PARD3B: variants seen among roughly 807,000 people sequenced by gnomAD.
The protein encoded by PARD3B is par-3 family cell polarity regulator beta.
PARD3B carries 103 observed loss-of-function variants against 130.2 expected under a neutral mutation model. The ratio of observed to expected loss-of-function variants is 0.79; its 90% CI spans 0.67 to 0.93. The LOEUF is 0.93. Ranked by LOEUF, PARD3B falls within the 40% of genes least tolerant of loss-of-function variation. The pLI is 0.00. For synonymous variants in PARD3B, 583 were observed against 553.2 expected (o/e 1.05, Z -0.76); for missense variants, 1,609 against 1,499.2 (o/e 1.07, Z -1.21).
intron 3 of PARD3B, among the ~76,000 whole-genome samples, chr2:204,991,952 A>G (rs1693737145): frequency 6.6e-6 from 1 of 151,248 alleles, no homozygotes; most frequent in African/African-American, 2.4e-5. Flanking sequence ...AATTTGTTGG[A>G]GTTCATTGTA....
At chr2:205,004,774 A>G (rs1695116896) in intron 3 of PARD3B, among the ~76,000 whole-genome samples, 1 of 152,214 alleles carries the variant, frequency 6.6e-6, no homozygotes, top group Admixed American at 6.5e-5. Flanking sequence ...CAGAAATTAG[A>G]CATAAAGCAT....
At chr2:204,802,016 T>G (rs1182151854) in intron 2 of PARD3B, among the ~76,000 whole-genome samples, 1 of 152,220 alleles carries the variant, frequency 6.6e-6, no homozygotes, top group Non-Finnish European at 1.5e-5. Flanking sequence ...TTTATTGATT[T>G]GCATATGTTG....
At chr2:204,948,807 G>A (rs967207641) in intron 2 of PARD3B, among the ~76,000 whole-genome samples, 3 of 152,136 alleles carry the variant, frequency 2.0e-5, no homozygotes, top group Admixed American at 6.6e-5. Flanking sequence ...CATTTTCACC[G>A]ACTTCCAGGG....
chr2:205,465,907 G>A (rs2048604397), intron 20 of PARD3B, among the ~76,000 whole-genome samples: 1 of 152,174 alleles, frequency 6.6e-6, no homozygotes, highest in Admixed American at 6.5e-5. Context: ...CTAACACTCT[G>A]GTGCTTTTTC....
chr2:204,832,684 C>G (rs1474142377), intron 2 of PARD3B, among the ~76,000 whole-genome samples: 1 of 152,112 alleles, frequency 6.6e-6, no homozygotes, highest in Non-Finnish European at 1.5e-5. Context: ...GTACGCTGGG[C>G]TTGAGTAGTG....
intron 22 of PARD3B, among the ~76,000 whole-genome samples, chr2:205,573,431 G>A (rs375543906): frequency 3.0e-4 from 45 of 152,248 alleles, no homozygotes; most frequent in African/African-American, 9.6e-4. Flanking sequence ...AGGCAGAGTG[G>A]TGACAATTCT....
chr2:205,261,391 GTGAA>G (rs1279302851), intron 16 of PARD3B, among the ~76,000 whole-genome samples: 2 of 152,128 alleles, frequency 1.3e-5, no homozygotes, highest in Non-Finnish European at 1.5e-5. Flanking sequence ...TGCAGAATGA[GTGAA>G]TGAATGAATG....
chr2:205,219,078 T>TAA (rs748873430), intron 15 of PARD3B, among the ~76,000 whole-genome samples: 1 of 141,750 alleles, frequency 7.1e-6, no homozygotes. Flanking sequence ...AGACTCTGTT[T>TAA]AAAAAAAAAA....
chr2:204,652,905 C>T (rs550358282), intron 1 of PARD3B, among the ~76,000 whole-genome samples: 19 of 151,086 alleles, frequency 1.3e-4, no homozygotes, highest in African/African-American at 2.2e-4. Context: ...TACACAGTTT[C>T]GAACAACCAG....
rs2038756911 is a variant in PARD3B, at chr2:205,230,078, G to A, written c.2141-15700G>A. 6.6e-6 allele frequency among the ~76,000 whole-genome samples: 1 copy of A among 152,056 alleles called. No homozygotes were observed. Among genetic ancestry groups the A allele is most frequent in the African/African-American group, 2.4e-5 (1 of 41,398 alleles). On this transcript the variant is annotated intron_variant, in intron 15 of 22. Coordinates refer to ENST00000406610, the MANE Select transcript of PARD3B (RefSeq NM_001302769.2). The surrounding 1 kb of genome is among the most constrained non-coding windows in gnomAD (Gnocchi z 4.1). Reference sequence around the variant, plus strand: ...TCTGGCCCAGGGCAGATCCAGAGATGCTGTCTAAGAGCCAAAGTGTGGAAT... The same window carrying A: ...TCTGGCCCAGGGCAGATCCAGAGATACTGTCTAAGAGCCAAAGTGTGGAAT...
intron 16 of PARD3B, among the ~76,000 whole-genome samples, chr2:205,297,582 C>T (rs1488431605): frequency 6.6e-6 from 1 of 152,102 alleles, no homozygotes; most frequent in African/African-American, 2.4e-5. Context: ...ACATGGGGAT[C>T]CCTGGAGAAG....
Position 205,499,943 on chromosome 2 carries a change from AAG to A in PARD3B, c.3095_3096del (p.Glu1032ValfsTer13). ...ACTGACCGTATCCAGAAGTTGCGGAAAGAGTATTATCAGGCTCGGAGGGAAGG... is the reference window on the plus strand; with the variant it reads ...ACTGACCGTATCCAGAAGTTGCGGAAAGTATTATCAGGCTCGGAGGGAAGG... On this transcript the variant is annotated frameshift_variant, in exon 21 of 23. Coordinates refer to ENST00000406610, the MANE Select transcript of PARD3B (RefSeq NM_001302769.2). LOFTEE classifies it high-confidence loss of function. 1 of 1,613,912 alleles carries A rather than the reference AAG, an allele frequency of 6.2e-7. No individual in the cohort carries two copies. The highest frequency in any genetic ancestry group is 1.3e-5 in the African/African-American group (1 of 75,056).
chr2:205,103,371 G>GTAAAATAAATATATTTTTTATT (rs1702957938), intron 4 of PARD3B, among the ~76,000 whole-genome samples: 1 of 145,518 alleles, frequency 6.9e-6, no homozygotes, highest in Non-Finnish European at 1.5e-5. Flanking sequence ...TTTTATTTAT[G>GTAAAATAAATATATTTTTTATT]TAAAATAAAT....
chr2:205,007,368 G>A (rs1394649603), intron 3 of PARD3B, among the ~76,000 whole-genome samples: 1 of 152,176 alleles, frequency 6.6e-6, no homozygotes, highest in Admixed American at 6.5e-5. Flanking sequence ...TTTTTGGATA[G>A]GATGAGAGAT....
chr2:204,637,509 T>G (rs1176206349), intron 1 of PARD3B, among the ~76,000 whole-genome samples: 2 of 152,196 alleles, frequency 1.3e-5, no homozygotes, highest in African/African-American at 4.8e-5. Context: ...GTATCAGAAG[T>G]GTACTAAATT....
At chr2:205,579,348 G>A (rs1225639677) in intron 22 of PARD3B, among the ~76,000 whole-genome samples, 1 of 152,100 alleles carries the variant, frequency 6.6e-6, no homozygotes, top group Non-Finnish European at 1.5e-5. Context: ...CTCATCCTCA[G>A]AGATGAGGTC....
rs1704002008 is a variant in PARD3B, at chr2:205,116,051, C to T, written c.680+2474C>T. ...GTGGCTGCTCTGCTAGATAAAGCCT[C>T]AATGAATTCATTAGATACCATCGCA... On this transcript the variant is annotated intron_variant, in intron 6 of 22. Transcript: ENST00000406610. This position sits in a 1 kb window ranked among gnomAD's most constrained non-coding sequence, Gnocchi z 4.5. 1.3e-5 allele frequency among the ~76,000 whole-genome samples: 2 copies of T among 151,884 alleles called. No homozygotes were observed.
intron 1 of PARD3B, among the ~76,000 whole-genome samples, chr2:204,617,463 G>T (rs529801481): frequency 9.2e-5 from 14 of 152,288 alleles, no homozygotes; most frequent in African/African-American, 3.1e-4. Flanking sequence ...GAGATGGACA[G>T]ACCCAATTTG....
chr2:204,823,595 C>T (rs1465423551), intron 2 of PARD3B, among the ~76,000 whole-genome samples: 1 of 151,966 alleles, frequency 6.6e-6, no homozygotes, highest in Non-Finnish European at 1.5e-5. Context: ...CTGTATTCTG[C>T]TTATTGGCAC....
Sources: allele counts gnomAD v4.1 joint callset (sites outside exome capture counted in the v4.1 genomes callset), GRCh38; gene constraint gnomAD v4.1.1; non-coding constraint Gnocchi (gnomAD v3.1); transcripts MANE v1.5; gene names NCBI Gene and HGNC (gene_info 2026-07-23, HGNC 2026-07-21).